The following GLOD4 variants were observed in gnomAD, a reference collection of about 807,000 sequenced individuals.
The protein encoded by GLOD4 is glyoxalase domain containing 4.
Under a neutral mutation model 39.1 loss-of-function variants are expected in GLOD4, and 44 were observed. The observed-to-expected ratio is 1.13, with a 90% CI of 0.88 to 1.45. GLOD4 has a LOEUF of 1.45. Ranked by LOEUF, GLOD4 falls within the 40% of genes most tolerant of loss-of-function variation. GLOD4 has a pLI of 0.00. For synonymous variants in GLOD4, 145 were observed against 135.0 expected, an observed-to-expected ratio of 1.07 and a Z score of -0.52; for missense variants, 405 against 366.4, an observed-to-expected ratio of 1.11 and a Z score of -0.86.
intron 4 of GLOD4, among the ~76,000 whole-genome samples, chr17:772,282 AACTT>A (rs1225385709): frequency 6.6e-6 from 1 of 152,008 alleles, no homozygotes; most frequent in Non-Finnish European, 1.5e-5. Flanking sequence ...TGGTAAGAAA[AACTT>A]ACATCTTCGA....
At chr17:775,139 C>T (rs1473866134) in intron 4 of GLOD4, among the ~76,000 whole-genome samples, 2 of 147,890 alleles carry the variant, frequency 1.4e-5, no homozygotes, top group Non-Finnish European at 1.5e-5. Flanking sequence ...AGCGTGGTGG[C>T]AGGCGCCTAT....
upstream of GLOD4, chr17:783,579 C>T (rs1910358037): frequency 3.0e-6 from 1 of 332,558 alleles, no homozygotes; most frequent in African/African-American, 2.1e-5. Flanking sequence ...TCAGGTGATC[C>T]TCCTGCCTCG....
upstream of GLOD4, chr17:783,381 G>A (rs577409646): frequency 2.0e-6 from 3 of 1,515,914 alleles, no homozygotes; most frequent in East Asian, 4.7e-5. Context: ...CTGTCACCCA[G>A]GCTGGAGTGC....
upstream of GLOD4, among the ~76,000 whole-genome samples, chr17:784,002 G>A (rs965583210): frequency 2.0e-5 from 3 of 152,182 alleles, no homozygotes; most frequent in Admixed American, 1.3e-4. Context: ...TCCAGAAGCA[G>A]ATCTAAGAAG....
Position 776,007 on chromosome 17 carries a change from G to A in GLOD4, c.262-88C>T. ...ATGAGCCCAACCCCTATTGCCTACT[G>A]CCTTTAGGTAAAATCACCTAAGATT... On this transcript the variant is annotated intron_variant, in intron 3 of 8. Coordinates refer to ENST00000301329, the MANE Select transcript of GLOD4 (RefSeq NM_016080.4). 3 of 977,770 alleles carry A rather than the reference G, an allele frequency of 3.1e-6. No homozygotes were observed. The South Asian group carries it at 4.7e-5, about 15-fold the overall frequency. The allele number at this position is 977,770 out of a possible 1,614,324, so 60.6% of individuals were successfully genotyped here.
intron 8 of GLOD4, chr17:764,427 C>T (rs115522208): frequency 7.2e-4 from 110 of 152,314 alleles, no homozygotes; most frequent in African/African-American, 2.6e-3. Flanking sequence ...CGTGGACAAA[C>T]GATGGTCCGA....
chr17:784,333 CT>C (rs1296322340), upstream of GLOD4, among the ~76,000 whole-genome samples: 2 of 152,190 alleles, frequency 1.3e-5, no homozygotes, highest in Non-Finnish European at 2.9e-5. Flanking sequence ...AGGATGGGGA[CT>C]TGGATTACTA....
intron 8 of GLOD4, among the ~76,000 whole-genome samples, chr17:763,054 G>A (rs1166721515): frequency 6.6e-6 from 1 of 152,118 alleles, no homozygotes; most frequent in Non-Finnish European, 1.5e-5. Context: ...GTGGGCGCCT[G>A]TAGTCCCAGC....
At chr17:780,717 T>C (rs1909752439) in intron 1 of GLOD4, 1 of 124,722 alleles carries the variant, frequency 8.0e-6, no homozygotes, top group Admixed American at 1.1e-4. Context: ...CACTCCAGCC[T>C]GGCGACAGAG....
chr17:785,416 A>G (rs1567799211), upstream of GLOD4, among the ~76,000 whole-genome samples: 2 of 152,154 alleles, frequency 1.3e-5, no homozygotes, highest in Non-Finnish European at 2.9e-5. Context: ...TTATTATATA[A>G]TGTATATATA....
chr17:780,756 A>C (rs1909772385), intron 1 of GLOD4: 1 of 153,542 alleles, frequency 6.5e-6, no homozygotes, highest in African/African-American at 2.4e-5. Flanking sequence ...AAAAAAAAAA[A>C]AAAAAAAGTC....
intron 5 of GLOD4, chr17:771,031 G>T: frequency 4.1e-6 from 1 of 241,600 alleles, no homozygotes; most frequent in East Asian, 1.1e-4. Flanking sequence ...CTCAAACGCT[G>T]GGTTATTAGA....
chr17:781,381 C>G (rs1243598813), intron 1 of GLOD4, among the ~76,000 whole-genome samples: 2 of 152,314 alleles, frequency 1.3e-5, no homozygotes, highest in African/African-American at 4.8e-5. Context: ...CCACCCCAAC[C>G]CAGGCCATGA....
At chr17:779,891 G>A (rs1288128719) in intron 1 of GLOD4, among the ~76,000 whole-genome samples, 2 of 151,504 alleles carry the variant, frequency 1.3e-5, no homozygotes, top group Non-Finnish European at 2.9e-5. Flanking sequence ...TTGGCCGGGC[G>A]CGGTGGCTCA....
intron 1 of GLOD4, chr17:781,748 C>CA (rs1567796970): frequency 5.6e-6 from 1 of 177,192 alleles, no homozygotes; most frequent in Non-Finnish European, 1.2e-5. Flanking sequence ...ACGGACTATT[C>CA]AGACCAGCCT....
chr17:776,573 C>T (rs1908997871), intron 3 of GLOD4, among the ~76,000 whole-genome samples: 2 of 152,208 alleles, frequency 1.3e-5, no homozygotes, highest in Admixed American at 1.3e-4. Context: ...AGTCTTACCC[C>T]ATGGCACTGC....
At chr17:766,103 G>A (rs965106704) in intron 8 of GLOD4, among the ~76,000 whole-genome samples, 4 of 151,334 alleles carry the variant, frequency 2.6e-5, no homozygotes. Flanking sequence ...TTTGAAACCA[G>A]CCTGGGCAAC....
In GLOD4 at chr17:770,045, G is replaced by C. The variant is rs775647255; in HGVS notation, c.743C>G (p.Pro248Arg). ...GCCCCCTGCCTGAGAAATACTTACA[G>C]GGTCGGCCAGAATGACCACCTGTAC... ...ATVQVVILAD[P>R]DGHEICFVGD... Residue 248 changes from proline (P) to arginine (R), a missense_variant and splice_region_variant, in exon 7 of 9, where the codon CCT becomes CGT. By Grantham distance (103) the Pro-to-Arg change is moderately radical (BLOSUM62 -2). Transcript: ENST00000301329. 1.2e-6 allele frequency: 2 copies of C among 1,600,394 alleles called. No homozygotes were observed. Among genetic ancestry groups the C allele is most frequent in the South Asian group, 2.2e-5 (2 of 90,754 alleles).
Position 777,276 on chromosome 17 carries a change from T to C in GLOD4, c.141-288A>G, listed in dbSNP as rs1909121974. ...GACAGTTCTCCAACTGACCTGTTAT[T>C]TCCTTGACTATCAATCAACAAGCAT... On this transcript the variant is annotated intron_variant, in intron 2 of 8. Transcript: ENST00000301329. 2.6e-5 allele frequency: 11 copies of C among 420,342 alleles called. No individual in the cohort carries two copies. The East Asian group carries it at 4.6e-4, about 18-fold the overall frequency. The allele number at this position is 420,342 out of a possible 1,614,324, so 26.0% of individuals were successfully genotyped here. A position where few individuals can be genotyped will look rare whatever the true frequency, so the allele number is the denominator to read the frequency against.
Sources: gnomAD v4.1 joint callset for allele counts (sites outside exome capture counted in the v4.1 genomes callset) on GRCh38, gnomAD v4.1.1 for gene constraint, MANE v1.5 for transcripts, NCBI Gene and HGNC (gene_info 2026-07-23, HGNC 2026-07-21) for gene names.